Variants in MAP2K1 observed in about 807,000 individuals in gnomAD.
MAP2K1 encodes dual specificity mitogen-activated protein kinase kinase 1.
In MAP2K1, 16 loss-of-function variants were observed where a neutral mutation model predicts 46.3. The ratio of observed to expected loss-of-function variants is 0.35; its 90% CI spans 0.23 to 0.52. MAP2K1 has a LOEUF of 0.52. MAP2K1 is among the 20% of genes least tolerant of loss of function. The pLI is 0.94. For missense variants in MAP2K1, 263 were observed against 497.1 expected, an observed-to-expected ratio of 0.53 and a Z score of 4.48; for synonymous variants, 183 against 185.6, an observed-to-expected ratio of 0.99 and a Z score of 0.11.
chr15:66,392,539 G>GTTTTC (rs1406619934), intron 1 of MAP2K1, among the ~76,000 whole-genome samples: 5 of 144,306 alleles, frequency 3.5e-5, no homozygotes, highest in East Asian at 4.1e-4. Flanking sequence ...TTTCTTCTTT[G>GTTTTC]TTTTCTTTTC....
At chr15:66,425,723 A>C (rs2093456442) in intron 1 of MAP2K1, among the ~76,000 whole-genome samples, 1 of 152,256 alleles carries the variant, frequency 6.6e-6, no homozygotes, top group African/African-American at 2.4e-5. Flanking sequence ...TTAGTTCAAC[A>C]GTGAGAAAGC....
chr15:66,441,358 C>G (rs2093503163), intron 3 of MAP2K1, among the ~76,000 whole-genome samples: 1 of 152,168 alleles, frequency 6.6e-6, no homozygotes, highest in African/African-American at 2.4e-5. Flanking sequence ...CTGTCCTAGG[C>G]TGCATTTAGG....
At chr15:66,393,838 C>T (rs1377969412) in intron 1 of MAP2K1, among the ~76,000 whole-genome samples, 3 of 152,184 alleles carry the variant, frequency 2.0e-5, no homozygotes, top group Non-Finnish European at 4.4e-5. Flanking sequence ...GACTTGCTTC[C>T]TCACTTCCTT....
intron 6 of MAP2K1, among the ~76,000 whole-genome samples, chr15:66,484,210 C>T (rs980042787): frequency 1.3e-5 from 2 of 150,514 alleles, no homozygotes; most frequent in Non-Finnish European, 2.9e-5. Flanking sequence ...TGCAGTGGTG[C>T]GATCTTGGCT....
intron 9 of MAP2K1, chr15:66,489,503 T>C (rs1168558339): frequency 3.0e-6 from 2 of 667,124 alleles, no homozygotes; most frequent in Non-Finnish European, 5.4e-6. Flanking sequence ...GTACTTGCTC[T>C]CCAGGGATTG....
chr15:66,485,586 C>T (rs548329866), intron 7 of MAP2K1, among the ~76,000 whole-genome samples: 10 of 151,622 alleles, frequency 6.6e-5, no homozygotes, highest in Non-Finnish European at 8.8e-5. Context: ...AATTTATTTG[C>T]GGGGGTTGGG....
At position 66,461,516 on chromosome 15, in the gene MAP2K1, T is replaced by A. The variant is rs11635734; in HGVS notation, c.568+16809T>A. Among the ~76,000 whole-genome samples, 977 of 126,992 alleles carry A rather than the reference T, an allele frequency of 7.7e-3. 6 individuals carry two copies. The highest frequency in any genetic ancestry group is 0.012 in the Non-Finnish European group (671 of 56,130). The allele number at this position is 126,992 out of a possible 152,430, so 83.3% of individuals were successfully genotyped here. A position where few individuals can be genotyped will look rare whatever the true frequency, so the allele number is the denominator to read the frequency against. ...AATAAATAAATAAATAAATAAATAA[T>A]AAAATAATAATAGAGTCTAGTGATA... is the stretch of plus-strand genomic sequence containing the variant. On this transcript the variant is annotated intron_variant, in intron 5 of 10. Transcript: ENST00000307102.
intron 1 of MAP2K1, among the ~76,000 whole-genome samples, chr15:66,420,517 C>T (rs1457484434): frequency 6.6e-6 from 1 of 151,602 alleles, no homozygotes; most frequent in East Asian, 1.9e-4. Context: ...TGCACTGCTG[C>T]ACTCCAGCCT....
intron 2 of MAP2K1, among the ~76,000 whole-genome samples, chr15:66,435,698 T>C (rs1355204240): frequency 2.0e-5 from 3 of 152,204 alleles, no homozygotes; most frequent in African/African-American, 7.2e-5. Context: ...ACTGTGTTAG[T>C]GTATTAATCC....
At chr15:66,399,032 C>G (rs930727290) in intron 1 of MAP2K1, among the ~76,000 whole-genome samples, 6 of 152,160 alleles carry the variant, frequency 3.9e-5, no homozygotes, top group African/African-American at 1.4e-4. Context: ...CGCGGCCTCC[C>G]AAAGTGCTGG....
chr15:66,486,941 G>A (rs980458268), intron 7 of MAP2K1, among the ~76,000 whole-genome samples: 2 of 152,132 alleles, frequency 1.3e-5, no homozygotes, highest in Non-Finnish European at 2.9e-5. Context: ...AAGGAAGGGG[G>A]AAAGGACAGA....
At chr15:66,454,595 A>C (rs939111639) in intron 5 of MAP2K1, among the ~76,000 whole-genome samples, 1 of 152,184 alleles carries the variant, frequency 6.6e-6, no homozygotes, top group Non-Finnish European at 1.5e-5. Context: ...TATTCATTAG[A>C]AGGATCTGGC....
rs1331979770 is a variant in MAP2K1, at chr15:66,414,706, T to TG, written c.81-20321_81-20320insG. Among the ~76,000 whole-genome samples, 5 of 152,138 alleles carry TG rather than the reference T, an allele frequency of 3.3e-5. No individual in the cohort carries two copies. In the East Asian group the frequency reaches 9.6e-4, roughly 29 times the overall value. On this transcript the variant is annotated intron_variant, in intron 1 of 10. Coordinates refer to ENST00000307102, the MANE Select transcript of MAP2K1 (RefSeq NM_002755.4). ...CTTTTACTCACTGCAGGTTAGGCTGTATTACATGGCTCAGAGCCCCAACCT... is the reference window on the plus strand; with the variant it reads ...CTTTTACTCACTGCAGGTTAGGCTGTGATTACATGGCTCAGAGCCCCAACCT...
At chr15:66,488,956 CCGA>C in intron 8 of MAP2K1, 1 of 570,022 alleles carries the variant, frequency 1.8e-6, no homozygotes, top group Non-Finnish European at 3.1e-6. Flanking sequence ...TCAAAATCAC[CCGA>C]CAAGTGAGTG....
intron 1 of MAP2K1, among the ~76,000 whole-genome samples, chr15:66,431,618 T>G (rs2093475232): frequency 6.6e-6 from 1 of 152,236 alleles, no homozygotes; most frequent in African/African-American, 2.4e-5. Context: ...TAGTTTCTAT[T>G]TTGACCCACC....
intron 1 of MAP2K1, among the ~76,000 whole-genome samples, chr15:66,419,616 A>G (rs559265012): frequency 2.2e-4 from 34 of 152,264 alleles, no homozygotes; most frequent in African/African-American, 7.7e-4. Context: ...AAGCAACAAT[A>G]TGACACCCCC....
At chr15:66,484,804 C>A (rs941763837) in intron 6 of MAP2K1, among the ~76,000 whole-genome samples, 186 bp from the exon 7 acceptor site, 1 of 152,188 alleles carries the variant, frequency 6.6e-6, no homozygotes, top group Admixed American at 6.5e-5. Flanking sequence ...GGGGTTAAAG[C>A]CACAGAAGCC....
intron 5 of MAP2K1, chr15:66,446,743 T>A: frequency 2.9e-6 from 1 of 346,582 alleles, no homozygotes; most frequent in Non-Finnish European, 6.0e-6. Flanking sequence ...ACCCTGCTTA[T>A]AGCCGGCAAA....
intron 5 of MAP2K1, among the ~76,000 whole-genome samples, chr15:66,464,204 A>G (rs1892403309): frequency 6.6e-6 from 1 of 152,192 alleles, no homozygotes; most frequent in African/African-American, 2.4e-5. Context: ...GTTTATTCCT[A>G]GACAGGTAGG....
Sources: allele counts gnomAD v4.1 joint callset (sites outside exome capture counted in the v4.1 genomes callset), GRCh38; gene constraint gnomAD v4.1.1; transcripts MANE v1.5; gene names NCBI Gene and HGNC (gene_info 2026-07-23, HGNC 2026-07-21).